The following RBFOX1 variants were observed in gnomAD, a reference collection of about 807,000 sequenced individuals.
RBFOX1 encodes RNA binding fox-1 homolog 1.
In RBFOX1, 8 loss-of-function variants were observed where a neutral mutation model predicts 57.7. That is an observed-to-expected ratio of 0.14 (90% CI 0.08 to 0.25). The LOEUF is 0.25. RBFOX1 is among the 10% of genes least tolerant of loss of function. The pLI, the probability that RBFOX1 is intolerant of heterozygous loss-of-function variation, is 1.00. For synonymous variants in RBFOX1, 326 were observed against 222.4 expected, an observed-to-expected ratio of 1.47 and a Z score of -4.15; for missense variants, 611 against 548.5, an observed-to-expected ratio of 1.11 and a Z score of -1.14.
At position 5,664,260 on chromosome 16, in the gene RBFOX1, G is replaced by A. The variant is rs530863452; in HGVS notation, c.318+65299G>A. Among the ~76,000 whole-genome samples, 84 of 152,294 alleles carry A rather than the reference G, an allele frequency of 5.5e-4. 1 individual carries two copies. The highest frequency in any genetic ancestry group is 8.7e-4 in the Non-Finnish European group (59 of 68,022). On this transcript the variant is annotated intron_variant, in intron 3 of 19. Transcript: ENST00000641259. ...AGTCAGTTGTGAACTCTTTAAAAGTGGATTCCTGGCCGGGCGCAGTGGCTC... is the reference window on the plus strand; with the variant it reads ...AGTCAGTTGTGAACTCTTTAAAAGTAGATTCCTGGCCGGGCGCAGTGGCTC...
chr16:5,901,139 C>T (rs936529260), intron 4 of RBFOX1, among the ~76,000 whole-genome samples: 3 of 152,164 alleles, frequency 2.0e-5, no homozygotes, highest in Admixed American at 6.5e-5. Context: ...GGCGTCTCAG[C>T]AGCAGCCCAG....
chr16:5,789,015 A>G (rs1188762073), intron 3 of RBFOX1, among the ~76,000 whole-genome samples: 1 of 152,132 alleles, frequency 6.6e-6, no homozygotes, highest in Non-Finnish European at 1.5e-5. Flanking sequence ...TTCTGATGGG[A>G]TAGACAAGCA....
At chr16:7,262,595 C>T (rs893320216) in intron 4 of RBFOX1, among the ~76,000 whole-genome samples, 6 of 152,236 alleles carry the variant, frequency 3.9e-5, no homozygotes, top group African/African-American at 1.2e-4. Context: ...GCTTTGATTC[C>T]CTGTGGCTGC....
chr16:6,441,314 C>T (rs1011381878), intron 2 of RBFOX1, among the ~76,000 whole-genome samples: 1 of 152,224 alleles, frequency 6.6e-6, no homozygotes, highest in African/African-American at 2.4e-5. Context: ...AACGAGCTCT[C>T]TCCTGTGTAC....
intron 4 of RBFOX1, among the ~76,000 whole-genome samples, chr16:7,510,490 TG>T (rs2074745948): frequency 1.0e-4 from 2 of 19,868 alleles, no homozygotes; most frequent in East Asian, 1.5e-3. Flanking sequence ...TGTGTGTCTG[TG>T]TGTGTGTGTG....
At chr16:6,434,498 G>A (rs921093807) in intron 2 of RBFOX1, among the ~76,000 whole-genome samples, 9 of 152,126 alleles carry the variant, frequency 5.9e-5, no homozygotes, top group Admixed American at 2.0e-4. Flanking sequence ...TGTGAACTGT[G>A]TATTCATTTA....
intron 3 of RBFOX1, among the ~76,000 whole-genome samples, chr16:5,809,849 C>A (rs2055358071): frequency 6.6e-6 from 1 of 152,112 alleles, no homozygotes; most frequent in Admixed American, 6.5e-5. Flanking sequence ...GACTATAAAT[C>A]ACGCTGCTAT....
chr16:5,801,634 A>G (rs1000905129), intron 3 of RBFOX1, among the ~76,000 whole-genome samples: 17 of 152,196 alleles, frequency 1.1e-4, no homozygotes, highest in African/African-American at 3.9e-4. Context: ...AAAAATACCA[A>G]TGTGATCCGT....
chr16:7,198,895 A>G (rs555668907), intron 4 of RBFOX1, among the ~76,000 whole-genome samples: 21 of 152,284 alleles, frequency 1.4e-4, no homozygotes, highest in Middle Eastern at 3.4e-3. Context: ...TTCCCAGGCA[A>G]TGAGTTGGCT....
chr16:7,577,643 G>C (rs2093439661), intron 5 of RBFOX1, among the ~76,000 whole-genome samples: 1 of 152,200 alleles, frequency 6.6e-6, no homozygotes, highest in African/African-American at 2.4e-5. Context: ...CACGCCTGTA[G>C]TCCCAGTGCT....
intron 2 of RBFOX1, among the ~76,000 whole-genome samples, chr16:5,497,823 T>C (rs1290725057): frequency 2.0e-5 from 3 of 151,972 alleles, no homozygotes; most frequent in Non-Finnish European, 4.4e-5. Flanking sequence ...CTGATAATTG[T>C]CCCCAAGAAT....
intron 11 of RBFOX1, among the ~76,000 whole-genome samples, chr16:7,652,990 C>G (rs189565844): frequency 1.3e-5 from 2 of 152,164 alleles, no homozygotes; most frequent in Non-Finnish European, 2.9e-5. Context: ...CAGTTCGGCC[C>G]CAGAGATTGC....
chr16:7,384,483 T>C (rs1017906327), intron 4 of RBFOX1, among the ~76,000 whole-genome samples: 1 of 152,196 alleles, frequency 6.6e-6, no homozygotes, highest in African/African-American at 2.4e-5. Flanking sequence ...TGGGTTTTCA[T>C]GCCAAACATA....
chr16:6,592,256 G>C (rs1297300555), intron 2 of RBFOX1, among the ~76,000 whole-genome samples: 1 of 152,206 alleles, frequency 6.6e-6, no homozygotes, highest in Non-Finnish European at 1.5e-5. Flanking sequence ...TGTGGTACTA[G>C]GCAGTAAGTT....
At chr16:6,447,442 C>T (rs866459526) in intron 2 of RBFOX1, among the ~76,000 whole-genome samples, 3 of 152,048 alleles carry the variant, frequency 2.0e-5, no homozygotes, top group East Asian at 1.9e-4. Flanking sequence ...ATGAGGTAGG[C>T]GTTAAGTGGA....
At chr16:6,885,358 C>A (rs1309442666) in intron 3 of RBFOX1, among the ~76,000 whole-genome samples, 2 of 152,112 alleles carry the variant, frequency 1.3e-5, no homozygotes, top group Non-Finnish European at 2.9e-5. Flanking sequence ...TTAAACAAGC[C>A]TTCGGGGGGT....
chr16:5,524,648 C>A (rs968201681), intron 2 of RBFOX1, among the ~76,000 whole-genome samples: 28 of 151,740 alleles, frequency 1.8e-4, no homozygotes, highest in East Asian at 9.7e-4. Context: ...TCCGTCAGTC[C>A]TCCTGCCTCA....
chr16:5,738,088 T>C (rs1036448264), intron 3 of RBFOX1, among the ~76,000 whole-genome samples: 18 of 151,738 alleles, frequency 1.2e-4, no homozygotes, highest in Non-Finnish European at 2.6e-4. Context: ...CTCTCACTTA[T>C]GAGTGAGAAC....
intron 3 of RBFOX1, among the ~76,000 whole-genome samples, chr16:6,985,235 T>C (rs75979637): frequency 0.054 from 8,098 of 150,378 alleles, 250 homozygotes; most frequent in African/African-American, 0.076. Flanking sequence ...GCCTCTTGTC[T>C]TTTCTGGGCT....
Sources: allele counts gnomAD v4.1 joint callset (sites outside exome capture counted in the v4.1 genomes callset), GRCh38; gene constraint gnomAD v4.1.1; transcripts MANE v1.5; gene names NCBI Gene and HGNC (gene_info 2026-07-23, HGNC 2026-07-21).